LYPLAL1: variants seen among roughly 807,000 people sequenced by gnomAD.
LYPLAL1 encodes the protein lysophospholipase-like protein 1.
A neutral mutation model predicts 19.7 loss-of-function variants in LYPLAL1; 23 were observed. The observed-to-expected ratio is 1.17, with a 90% CI of 0.84 to 1.65. The LOEUF (loss-of-function observed/expected upper bound fraction) is 1.65, where lower values mean the gene tolerates loss of function less well. Among genes scored for constraint, LYPLAL1 ranks in the 40% most tolerant of loss-of-function variants. The pLI, the probability that LYPLAL1 is intolerant of heterozygous loss-of-function variation, is 0.00. For missense variants in LYPLAL1, 355 were observed against 279.4 expected (o/e 1.27, Z -1.93); for synonymous variants, 119 against 96.3 (o/e 1.24, Z -1.38).
chr1:219,183,413 TA>T (rs1656456265), intron 2 of LYPLAL1, among the ~76,000 whole-genome samples: 1 of 152,048 alleles, frequency 6.6e-6, no homozygotes, highest in Admixed American at 6.6e-5. Context: ...CTTGTGGACA[TA>T]AGTTCTAACA....
At chr1:219,330,103 G>A in the LYPLAL1 span, among the ~76,000 whole-genome samples, 47 of 152,144 alleles carry the variant, frequency 3.1e-4, no homozygotes, top group African/African-American at 1.1e-3. Flanking sequence ...TCAGTCATGT[G>A]AGGAGTAATC....
chr1:219,226,844 TA>T, the LYPLAL1 span, among the ~76,000 whole-genome samples: 1 of 152,236 alleles, frequency 6.6e-6, no homozygotes, highest in Non-Finnish European at 1.5e-5. Flanking sequence ...GAATGTGAAT[TA>T]ACTAGGGGAA....
chr1:219,296,861 C>T, the LYPLAL1 span, among the ~76,000 whole-genome samples: 1 of 152,162 alleles, frequency 6.6e-6, no homozygotes. Flanking sequence ...TTTTACCCCT[C>T]TAAGCAACTA....
the LYPLAL1 span, among the ~76,000 whole-genome samples, chr1:219,370,419 A>C: frequency 2.0e-5 from 3 of 152,010 alleles, no homozygotes; most frequent in Non-Finnish European, 2.9e-5. Flanking sequence ...TTCTCTCCCT[A>C]TATCTCGATT....
At chr1:219,440,762 T>C in the LYPLAL1 span, among the ~76,000 whole-genome samples, 145 of 152,338 alleles carry the variant, frequency 9.5e-4, no homozygotes, top group Middle Eastern at 6.8e-3. Context: ...TATGAGAATT[T>C]TCTCTTTATG....
the LYPLAL1 span, among the ~76,000 whole-genome samples, chr1:219,291,885 CAAA>C: frequency 2.5e-5 from 3 of 117,742 alleles, no homozygotes; most frequent in African/African-American, 3.1e-5. Context: ...CGGAATAAAG[CAAA>C]AAAAAAAAAA....
chr1:219,340,495 G>C, the LYPLAL1 span, among the ~76,000 whole-genome samples: 1 of 151,948 alleles, frequency 6.6e-6, no homozygotes, highest in Non-Finnish European at 1.5e-5. Flanking sequence ...GTGAGGGGAG[G>C]GGAAGTTACA....
At chr1:219,200,236 A>G (rs2125087502) in intron 3 of LYPLAL1, 1 of 252,508 alleles carries the variant, frequency 4.0e-6, no homozygotes. Context: ...CGAGCCAAGA[A>G]AACAGCTTTA....
chr1:219,196,666 G>T (rs1657627897), intron 3 of LYPLAL1, among the ~76,000 whole-genome samples: 1 of 152,062 alleles, frequency 6.6e-6, no homozygotes, highest in Non-Finnish European at 1.5e-5. Context: ...GCAAGAAAAA[G>T]AAATAAAAAG....
chr1:219,423,523 A>G, the LYPLAL1 span, among the ~76,000 whole-genome samples: 1 of 152,218 alleles, frequency 6.6e-6, no homozygotes, highest in Non-Finnish European at 1.5e-5. Context: ...AACCTATTAC[A>G]TCCAGGTTCT....
chr1:219,269,649 C>A, the LYPLAL1 span, among the ~76,000 whole-genome samples: 1 of 152,016 alleles, frequency 6.6e-6, no homozygotes, highest in Non-Finnish European at 1.5e-5. Context: ...TTTATAAATA[C>A]ATCAGTCTAA....
At chr1:219,390,578 A>G in the LYPLAL1 span, among the ~76,000 whole-genome samples, 1 of 152,142 alleles carries the variant, frequency 6.6e-6, no homozygotes, top group Non-Finnish European at 1.5e-5. Flanking sequence ...ATTTGTCCAC[A>G]AGCTATTGTT....
At chr1:219,185,306 G>A (rs1005360099) in intron 2 of LYPLAL1, among the ~76,000 whole-genome samples, 3 of 151,554 alleles carry the variant, frequency 2.0e-5, no homozygotes, top group Non-Finnish European at 4.4e-5. Context: ...ATCTTACCAA[G>A]AAGTTACCAA....
chr1:219,241,134 C>CTCTCTCTCTCTCTCTCTCTA, the LYPLAL1 span, among the ~76,000 whole-genome samples: 6 of 44,366 alleles, frequency 1.4e-4, no homozygotes, highest in East Asian at 8.2e-4. Context: ...CTCTCTCTCT[C>CTCTCTCTCTCTCTCTCTCTA]TATATATATA....
At chr1:219,359,674 A>T in the LYPLAL1 span, among the ~76,000 whole-genome samples, 2 of 152,356 alleles carry the variant, frequency 1.3e-5, no homozygotes, top group East Asian at 1.9e-4. Context: ...AGAGAAAAAA[A>T]TCTACAAACA....
At chr1:219,356,329 G>A in the LYPLAL1 span, among the ~76,000 whole-genome samples, 1 of 152,078 alleles carries the variant, frequency 6.6e-6, no homozygotes, top group African/African-American at 2.4e-5. Flanking sequence ...ATGAAACCCT[G>A]TCTCTACTAA....
At chr1:219,278,545 G>A in the LYPLAL1 span, among the ~76,000 whole-genome samples, 2 of 152,158 alleles carry the variant, frequency 1.3e-5, no homozygotes, top group Non-Finnish European at 2.9e-5. Flanking sequence ...TGGGGCTGGG[G>A]TTTGAATTGA....
At chr1:219,186,661 A>G (rs1358395045) in intron 2 of LYPLAL1, among the ~76,000 whole-genome samples, 1 of 151,692 alleles carries the variant, frequency 6.6e-6, no homozygotes, top group Admixed American at 6.6e-5. Flanking sequence ...ATGGCACTTC[A>G]TTTTTCATCC....
chr1:219,334,725 A>T, the LYPLAL1 span, among the ~76,000 whole-genome samples: 4,937 of 152,016 alleles, frequency 0.032, 263 homozygotes, highest in African/African-American at 0.11. Flanking sequence ...ATAAATCAAA[A>T]ACTTAAAGTT....
Sources: allele counts gnomAD v4.1 joint callset (sites outside exome capture counted in the v4.1 genomes callset), GRCh38; gene constraint gnomAD v4.1.1; transcripts MANE v1.5; gene names NCBI Gene and HGNC (gene_info 2026-07-23, HGNC 2026-07-21).